Variants in GATA6 observed in about 807,000 individuals in gnomAD.
GATA6 encodes the protein GATA binding protein 6.
Under a neutral mutation model 48.1 loss-of-function variants are expected in GATA6, and 11 were observed. The observed-to-expected ratio is 0.23, with a 90% CI of 0.14 to 0.38. The LOEUF (loss-of-function observed/expected upper bound fraction) is 0.38. Among genes scored for constraint, GATA6 ranks in the 10% least tolerant of loss-of-function variants. GATA6 has a pLI of 1.00. For missense variants in GATA6, 795 were observed against 850.3 expected, an observed-to-expected ratio of 0.93 and a Z score of 0.81; for synonymous variants, 419 against 396.1, an observed-to-expected ratio of 1.06 and a Z score of -0.69.
chr18:22,200,859 C>T lies in GATA6; in HGVS notation c.*36C>T, dbSNP rs763766695. On this transcript the variant is annotated 3_prime_UTR_variant, in exon 7 of 7. Coordinates refer to ENST00000269216, the MANE Select transcript of GATA6 (RefSeq NM_005257.6). ...CCAGGAGGCAGGGAGGGCTCCGCCG[C>T]GGGCCTCACTCCACTCGTGTCTGCT... 1.3e-5 allele frequency: 21 copies of T among 1,579,954 alleles called. No individual in the cohort carries two copies. Among genetic ancestry groups the T allele is most frequent in the East Asian group, 2.3e-5 (1 of 43,656 alleles).
rs2033450508 is a variant in GATA6 at position 22,200,701 on chromosome 18, G to A, written c.1666G>A (p.Glu556Lys). 9 of 1,614,210 alleles carry A rather than the reference G, an allele frequency of 5.6e-6. No homozygotes were observed. Among genetic ancestry groups the A allele is most frequent in the Non-Finnish European group, 7.6e-6 (9 of 1,180,036 alleles). ...TGGTGCGGGAGAGAGCACCAATCCC[G>A]AGAACAGCGAGCTCAAGTATTCGGG... ...MTGAGESTNP[E>K]NSELKYSGQD... The change falls in exon 7 of 7, where the codon GAG becomes AAG. Residue 556 changes from glutamate to lysine, a missense_variant. Around this residue, in one of 5 missense-constraint regions of GATA6, gnomAD observed 103 missense variants for 103.7 expected, o/e 0.99. Coordinates refer to ENST00000269216, the MANE Select transcript of GATA6 (RefSeq NM_005257.6).
In GATA6 at chr18:22,169,659, C is replaced by G. The variant is rs2033002557; in HGVS notation, c.-61C>G. 1 of 152,420 alleles carries G rather than the reference C, an allele frequency of 6.6e-6. No homozygotes were observed. Among genetic ancestry groups the G allele is most frequent in the Non-Finnish European group, 1.5e-5 (1 of 68,130 alleles). 9.4% of individuals were successfully genotyped at this position (152,420 alleles called of 1,614,324 possible). A position where few individuals can be genotyped will look rare whatever the true frequency, so the allele number is the denominator to read the frequency against. ...GGGAGCACCCTCCGCCGCGGCCGTT[C>G]TCCATGCGCAGCGCCCGCCCGAGGT... On this transcript the variant is annotated 5_prime_UTR_variant, in exon 1 of 7. Coordinates refer to ENST00000269216, the MANE Select transcript of GATA6 (RefSeq NM_005257.6).
At chr18:22,199,196 G>C (rs201837373) in intron 6 of GATA6, among the ~76,000 whole-genome samples, 1 of 152,168 alleles carries the variant, frequency 6.6e-6, no homozygotes, top group South Asian at 2.1e-4. Flanking sequence ...CTTGCAGGCC[G>C]TGGAGGCTCG....
chr18:22,182,024 A>C (rs1048660829), intron 4 of GATA6, among the ~76,000 whole-genome samples: 5 of 152,254 alleles, frequency 3.3e-5, no homozygotes, highest in African/African-American at 4.8e-5. Context: ...CAAAAGAGTA[A>C]TGCATTTAAT....
intron 6 of GATA6, among the ~76,000 whole-genome samples, chr18:22,197,558 G>A (rs962686892): frequency 1.3e-5 from 2 of 152,042 alleles, no homozygotes; most frequent in African/African-American, 2.4e-5. Flanking sequence ...CTCTTCATCC[G>A]CCCTGCCTCC....
chr18:22,198,064 CTCTT>C (rs10561604), intron 6 of GATA6, among the ~76,000 whole-genome samples: 26,335 of 147,320 alleles, frequency 0.18, 2,643 homozygotes, highest in East Asian at 0.44. Flanking sequence ...TTTTTTTCTT[CTCTT>C]TCTTTCTTTT....
At chr18:22,176,354 A>G (rs766258250) in intron 2 of GATA6, 2 of 152,334 alleles carry the variant, frequency 1.3e-5, no homozygotes, top group East Asian at 3.9e-4. Flanking sequence ...TCTCATTTCT[A>G]GTTTCTAACT....
chr18:22,186,607 G>T (rs151076015), intron 6 of GATA6, among the ~76,000 whole-genome samples: 2 of 152,304 alleles, frequency 1.3e-5, no homozygotes, highest in African/African-American at 4.8e-5. Flanking sequence ...GACGAAAGGA[G>T]CCACAGGAGC....
intron 2 of GATA6, among the ~76,000 whole-genome samples, chr18:22,174,753 G>A (rs1409112543): frequency 2.0e-5 from 3 of 150,306 alleles, no homozygotes; most frequent in Non-Finnish European, 3.0e-5. Flanking sequence ...TAAACAAACC[G>A]TTTTTGGAGG....
In GATA6 at chr18:22,172,143, T is replaced by C. The variant is rs1317202692; in HGVS notation, c.999T>C (p.His333=). Residue 333 remains histidine, a synonymous_variant, in exon 2 of 7, where the codon CAT becomes CAC. Transcript: ENST00000269216. The surrounding 1 kb of genome is among the most constrained non-coding windows in gnomAD (Gnocchi z 5.2). ...ACCACCACCACCACCACCACCACCA[T>C]CCGAGCCCCTACTCGCCCTACGTGG... ...YHHHHHHHHH[H]PSPYSPYVGA... 1.0e-5 allele frequency: 11 copies of C among 1,077,316 alleles called. No individual in the cohort carries two copies. The highest frequency in any genetic ancestry group is 3.3e-5 in the African/African-American group (2 of 60,032). The allele number at this position is 1,077,316 out of a possible 1,614,324, so 66.7% of individuals were successfully genotyped here.
At chr18:22,189,819 C>T (rs192593188) in intron 6 of GATA6, among the ~76,000 whole-genome samples, 91 of 152,292 alleles carry the variant, frequency 6.0e-4, no homozygotes, top group Non-Finnish European at 1.1e-3. Flanking sequence ...CATAGGGAGG[C>T]AGGAAATTAG....
intron 6 of GATA6, among the ~76,000 whole-genome samples, chr18:22,192,063 T>C (rs1037682654): frequency 2.6e-5 from 4 of 152,236 alleles, no homozygotes; most frequent in Non-Finnish European, 5.9e-5. Context: ...GTTGCTTGAT[T>C]CGTGGTGAAG....
chr18:22,199,068 G>A (rs1374128061), intron 6 of GATA6, among the ~76,000 whole-genome samples: 1 of 152,114 alleles, frequency 6.6e-6, no homozygotes, highest in Non-Finnish European at 1.5e-5. Context: ...AAGTTTGGGT[G>A]CTTAGACTCA....
chr18:22,177,299 C>T (rs1045005443), intron 3 of GATA6, among the ~76,000 whole-genome samples, 178 bp downstream of exon 3: 3 of 152,152 alleles, frequency 2.0e-5, no homozygotes, highest in African/African-American at 7.2e-5. Context: ...TGTTCCAACG[C>T]CCACCCGCTG....
intron 2 of GATA6, among the ~76,000 whole-genome samples, chr18:22,173,376 C>T (rs1319436686): frequency 6.6e-6 from 1 of 152,068 alleles, no homozygotes; most frequent in African/African-American, 2.4e-5. Context: ...CCTTGAGTCA[C>T]AGAGGTGGCA....
chr18:22,181,610 C>T (rs768353106), intron 4 of GATA6, 32 bp downstream of exon 4: 5 of 1,612,216 alleles, frequency 3.1e-6, no homozygotes, highest in Admixed American at 1.7e-5. Flanking sequence ...CTTGTATATA[C>T]ATTTAGTATC....
intron 6 of GATA6, among the ~76,000 whole-genome samples, chr18:22,196,579 A>G (rs143606272): frequency 0.026 from 3,887 of 152,034 alleles, 99 homozygotes; most frequent in African/African-American, 0.057. Context: ...CATCTTTACA[A>G]AAAATACAAA....
intron 6 of GATA6, among the ~76,000 whole-genome samples, chr18:22,195,297 C>G (rs1373769191): frequency 1.3e-5 from 2 of 152,172 alleles, no homozygotes; most frequent in African/African-American, 4.8e-5. Flanking sequence ...GAGATGATTT[C>G]AGGGGCGGAT....
chr18:22,191,708 A>G (rs747003208), intron 6 of GATA6, among the ~76,000 whole-genome samples: 2 of 152,226 alleles, frequency 1.3e-5, no homozygotes, highest in East Asian at 3.8e-4. Flanking sequence ...CAATGTGACA[A>G]TTCACCACTC....
Sources: gnomAD v4.1 joint callset for allele counts (sites outside exome capture counted in the v4.1 genomes callset) on GRCh38, gnomAD v4.1.1 for gene constraint, gnomAD v4.1.1 regional missense constraint, Gnocchi (gnomAD v3.1) non-coding constraint, MANE v1.5 for transcripts, NCBI Gene and HGNC (gene_info 2026-07-23, HGNC 2026-07-21) for gene names.